TBC1D5: variants seen among roughly 807,000 people sequenced by gnomAD.
The protein encoded by TBC1D5 is TBC1 domain family member 5, also known as TBC1 domain family, member 5.
TBC1D5 carries 75 observed loss-of-function variants against 100.3 expected under a neutral mutation model. The ratio of observed to expected loss-of-function variants is 0.75; its 90% confidence interval spans 0.62 to 0.91. The LOEUF (loss-of-function observed/expected upper bound fraction) is 0.91, where lower values mean the gene tolerates loss of function less well. Among genes scored for constraint, TBC1D5 ranks in the 40% least tolerant of loss-of-function variants. The pLI, the probability that TBC1D5 is intolerant of heterozygous loss-of-function variation, is 0.00. For synonymous variants in TBC1D5, 323 were observed against 325.6 expected, an observed-to-expected ratio of 0.99 and a Z score of 0.09; for missense variants, 910 against 942.4, an observed-to-expected ratio of 0.97 and a Z score of 0.45.
chr3:17,255,967 C>T (rs931319796), intron 16 of TBC1D5, among the ~76,000 whole-genome samples: 1 of 152,078 alleles, frequency 6.6e-6, no homozygotes, highest in Non-Finnish European at 1.5e-5. Context: ...ACCCGGGAGG[C>T]GGAGCTTGCA....
At position 17,258,674 on chromosome 3, in the gene TBC1D5, A is replaced by G; in HGVS notation, c.1246-83T>C. 2.8e-6 allele frequency: 3 copies of G among 1,052,808 alleles called. No individual in the cohort carries two copies. The South Asian group carries it at 4.5e-5, about 16-fold the overall frequency. The allele number at this position is 1,052,808 out of a possible 1,614,324, so 65.2% of individuals were successfully genotyped here. A position where few individuals can be genotyped will look rare whatever the true frequency, so the allele number is the denominator to read the frequency against. ...AGAGGACAGCAATGATCATTTTAAT[A>G]TCCCTTCAGAAAAGAATATGTATAA... On this transcript the variant is annotated intron_variant, in intron 15 of 21. Coordinates refer to ENST00000253692, the Ensembl canonical transcript of TBC1D5.
At chr3:17,739,264 A>G (rs1449098300) in intron 1 of TBC1D5, 1 of 152,234 alleles carries the variant, frequency 6.6e-6, no homozygotes, top group Non-Finnish European at 1.5e-5. Flanking sequence ...CAAAGCTTTC[A>G]GTGGTCTGAG....
chr3:17,374,323 C>T (rs2092609021), intron 12 of TBC1D5, 148 bp downstream of exon 12: 1 of 651,728 alleles, frequency 1.5e-6, no homozygotes, highest in African/African-American at 1.9e-5. Flanking sequence ...ATACTTAGAT[C>T]CCCAGGCTCA....
chr3:17,379,158 A>G lies in TBC1D5; in HGVS notation c.613-2545T>C, dbSNP rs553872594. Among the ~76,000 whole-genome samples, 4 of 151,466 alleles carry G rather than the reference A, an allele frequency of 2.6e-5. 1 individual carries two copies. In the South Asian group the frequency reaches 8.3e-4, roughly 31 times the overall value. ...ATTCCAGGCTATGTCATTATCATGT[A>G]GGTTACATAAAATGGTAAACAAAAC... On this transcript the variant is annotated intron_variant, in intron 9 of 21. Transcript: ENST00000253692.
rs138184111 is a variant in TBC1D5, at chr3:17,530,233, G to A, written c.-35-21628C>T. On this transcript the variant is annotated intron_variant, in intron 2 of 21. Coordinates refer to ENST00000253692, the Ensembl canonical transcript of TBC1D5. ...CATTCCAGTCTGGGCGACAGAGCGA[G>A]ACTTCGTCTCAAAAAAAAAAAAAAA... is the stretch of plus-strand genomic sequence containing the variant. 4.1e-3 allele frequency among the ~76,000 whole-genome samples: 511 copies of A among 125,556 alleles called. 5 individuals carry two copies. The highest frequency in any genetic ancestry group is 0.016 in the African/African-American group (496 of 31,660). The allele number at this position is 125,556 out of a possible 152,430, so 82.4% of individuals were successfully genotyped here. A position where few individuals can be genotyped will look rare whatever the true frequency, so the allele number is the denominator to read the frequency against.
At chr3:17,603,331 T>A (rs1002592616) in intron 2 of TBC1D5, among the ~76,000 whole-genome samples, 1 of 151,796 alleles carries the variant, frequency 6.6e-6, no homozygotes, top group Non-Finnish European at 1.5e-5. Flanking sequence ...ACCCCACTGG[T>A]AAAATGAGAT....
intron 15 of TBC1D5, among the ~76,000 whole-genome samples, chr3:17,287,490 A>C (rs115023729): frequency 6.6e-6 from 1 of 152,232 alleles, no homozygotes; most frequent in Non-Finnish European, 1.5e-5. Flanking sequence ...TAGATAGAAC[A>C]GTCATGATGC....
rs1559323213 is a variant in TBC1D5 at position 17,161,059 on chromosome 3, GC to G, written c.2291del (p.Gly764AlafsTer27). 1 of 1,614,234 alleles carries G rather than the reference GC, an allele frequency of 6.2e-7. No homozygotes were observed. Among genetic ancestry groups the G allele is most frequent in the Admixed American group, 1.7e-5 (1 of 60,034 alleles). ...GGTTGCTGGAGGAAGCTGAGGCTGG[GC>G]CCATCAGTGGATCTGAGAACACCAG... On this transcript the variant is annotated frameshift_variant, in exon 22 of 22. Transcript: ENST00000253692. LOFTEE classifies it high-confidence loss of function.
At chr3:17,458,047 A>G (rs943682218) in intron 3 of TBC1D5, among the ~76,000 whole-genome samples, 4 of 152,198 alleles carry the variant, frequency 2.6e-5, no homozygotes, top group African/African-American at 7.2e-5. Context: ...TGTACTCAAA[A>G]AAGTTATTTA....
intron 9 of TBC1D5, among the ~76,000 whole-genome samples, chr3:17,382,999 A>G (rs2093011362): frequency 6.6e-6 from 1 of 152,078 alleles, no homozygotes; most frequent in Non-Finnish European, 1.5e-5. Flanking sequence ...GTTAATTAAT[A>G]CAGAAAAATA....
chr3:17,554,091 A>G (rs772144967), intron 2 of TBC1D5, among the ~76,000 whole-genome samples: 2 of 152,198 alleles, frequency 1.3e-5, no homozygotes, highest in African/African-American at 4.8e-5. Context: ...AAGGAATACA[A>G]GGACATATAA....
At chr3:17,521,218 A>T (rs537497024) in intron 2 of TBC1D5, among the ~76,000 whole-genome samples, 1 of 152,162 alleles carries the variant, frequency 6.6e-6, no homozygotes, top group African/African-American at 2.4e-5. Context: ...CTGACCCTTG[A>T]ACAACATGGG....
At chr3:17,717,104 T>C (rs573170133) in intron 1 of TBC1D5, among the ~76,000 whole-genome samples, 1 of 152,252 alleles carries the variant, frequency 6.6e-6, no homozygotes, top group Non-Finnish European at 1.5e-5. Context: ...ACAAAATTTT[T>C]CCAAGCCACC....
At chr3:17,452,075 G>A (rs1233485339) in intron 3 of TBC1D5, among the ~76,000 whole-genome samples, 2 of 152,022 alleles carry the variant, frequency 1.3e-5, no homozygotes, top group Non-Finnish European at 2.9e-5. Context: ...TACACAATCA[G>A]TGTTAAGTTG....
At chr3:17,248,997 C>T (rs1194932722) in intron 16 of TBC1D5, among the ~76,000 whole-genome samples, 1 of 152,174 alleles carries the variant, frequency 6.6e-6, no homozygotes, top group Non-Finnish European at 1.5e-5. Context: ...TAATCAATCT[C>T]CACTAGCTTC....
rs186440491 is a variant in TBC1D5 at position 17,326,964 on chromosome 3, G to A, written c.996-18830C>T. ...GTTTAATTCATCAGCAAATCCTTTT[G>A]TACCTTCAAAATACATTCAGAATCT... On this transcript the variant is annotated intron_variant, in intron 13 of 21. Coordinates refer to ENST00000253692, the Ensembl canonical transcript of TBC1D5. Among the ~76,000 whole-genome samples the A allele has an allele frequency of 1.4e-3, 209 of 152,172 alleles. 1 individual carries two copies. The highest frequency in any genetic ancestry group is 4.7e-3 in the African/African-American group (194 of 41,494).
intron 2 of TBC1D5, among the ~76,000 whole-genome samples, chr3:17,577,032 C>T (rs1169264275): frequency 6.6e-6 from 1 of 151,788 alleles, no homozygotes; most frequent in Non-Finnish European, 1.5e-5. Context: ...TTTCTTGCCA[C>T]TGAATAATAA....
At chr3:17,193,943 G>A (rs1283258645) in intron 18 of TBC1D5, among the ~76,000 whole-genome samples, 1 of 152,184 alleles carries the variant, frequency 6.6e-6, no homozygotes, top group East Asian at 1.9e-4. Context: ...TTTATATGTA[G>A]AAAATCTCAT....
At chr3:17,215,285 C>CAA (rs1392801184) in intron 17 of TBC1D5, among the ~76,000 whole-genome samples, 1 of 152,100 alleles carries the variant, frequency 6.6e-6, no homozygotes, top group African/African-American at 2.4e-5. Flanking sequence ...TGTAAGTACT[C>CAA]AGAATGATCA....
Sources: gnomAD v4.1 joint callset for allele counts (sites outside exome capture counted in the v4.1 genomes callset) on GRCh38, gnomAD v4.1.1 for gene constraint, MANE v1.5 for transcripts, NCBI Gene and HGNC (gene_info 2026-07-23, HGNC 2026-07-21) for gene names.